Variants in NCAPG2 observed in about 807,000 individuals in gnomAD.
NCAPG2 encodes condensin-2 complex subunit G2.
Under a neutral mutation model 141.1 loss-of-function variants are expected in NCAPG2, and 53 were observed. The ratio of observed to expected loss-of-function variants is 0.38; its 90% confidence interval spans 0.30 to 0.47. The LOEUF is 0.47. Among genes scored for constraint, NCAPG2 ranks in the 20% least tolerant of loss-of-function variants. NCAPG2 has a pLI of 0.99. For missense variants in NCAPG2, 1,087 were observed against 1,389.0 expected (o/e 0.78, Z 3.46); for synonymous variants, 499 against 490.7 (o/e 1.02, Z -0.22).
At chr7:158,674,011 G>A (rs1330891174) in intron 12 of NCAPG2, among the ~76,000 whole-genome samples, 1 of 152,208 alleles carries the variant, frequency 6.6e-6, no homozygotes, top group Non-Finnish European at 1.5e-5. Flanking sequence ...GTAGACTGGG[G>A]AGTTGCAGGA....
intron 13 of NCAPG2, among the ~76,000 whole-genome samples, chr7:158,666,740 A>G (rs1036011133): frequency 6.6e-6 from 1 of 152,002 alleles, no homozygotes; most frequent in Non-Finnish European, 1.5e-5. Context: ...CACCCTGGGC[A>G]ACACAGGGAA....
intron 12 of NCAPG2, among the ~76,000 whole-genome samples, chr7:158,673,063 G>A (rs147015321): frequency 1.6e-3 from 244 of 152,302 alleles, no homozygotes; most frequent in African/African-American, 5.4e-3. Flanking sequence ...AGAGAAGACC[G>A]GCCAGGGAGC....
At chr7:158,644,250 G>T in intron 27 of NCAPG2, 39 bp downstream of exon 27, 1 of 1,513,696 alleles carries the variant, frequency 6.6e-7, no homozygotes, top group Non-Finnish European at 9.2e-7. Flanking sequence ...AGAATGAGCA[G>T]TTTTAGATGA....
rs1015194324 is a variant in NCAPG2 at position 158,693,628 on chromosome 7, A to T, written c.79-131T>A. 4.1e-6 allele frequency: 3 copies of T among 731,262 alleles called. No individual in the cohort carries two copies. The African/African-American group carries it at 5.4e-5, about 13-fold the overall frequency. 45.3% of individuals were successfully genotyped at this position (731,262 alleles called of 1,614,324 possible). ...CAAGAGTTTGGTTGCAGTATTCAAA[A>T]TCCATTCCTAAAAGGGAAGAAGCAC... On this transcript the variant is annotated intron_variant, in intron 2 of 27. Coordinates refer to ENST00000356309, the MANE Select transcript of NCAPG2 (RefSeq NM_017760.7).
intron 2 of NCAPG2, chr7:158,696,660 A>G (rs1026063146): frequency 1.3e-5 from 2 of 152,230 alleles, no homozygotes; most frequent in African/African-American, 4.8e-5. Context: ...TCCTCTTGCA[A>G]CTTTTCTTTT....
chr7:158,676,413 C>T (rs912588028), intron 11 of NCAPG2, among the ~76,000 whole-genome samples: 6 of 152,268 alleles, frequency 3.9e-5, no homozygotes, highest in South Asian at 4.1e-4. Context: ...GTCAGTTAGT[C>T]ATAGCACATG....
chr7:158,673,959 G>C (rs1203243527), intron 12 of NCAPG2, among the ~76,000 whole-genome samples: 1 of 152,250 alleles, frequency 6.6e-6, no homozygotes, highest in East Asian at 1.9e-4. Flanking sequence ...ACCTTGGCTA[G>C]AAATGCTTTA....
chr7:158,657,174 C>A (rs532061540), intron 17 of NCAPG2, among the ~76,000 whole-genome samples: 1 of 152,224 alleles, frequency 6.6e-6, no homozygotes, highest in Non-Finnish European at 1.5e-5. Context: ...CTAGTACCCA[C>A]ATTTGAAAAC....
At chr7:158,663,305 G>A (rs1277700123) in intron 15 of NCAPG2, among the ~76,000 whole-genome samples, 1 of 152,280 alleles carries the variant, frequency 6.6e-6, no homozygotes, top group Non-Finnish European at 1.5e-5. Context: ...GCCCAGGGAG[G>A]TGGCCTGCCC....
intron 12 of NCAPG2, among the ~76,000 whole-genome samples, chr7:158,672,290 GTGTA>G (rs1284521603): frequency 8.1e-5 from 2 of 24,702 alleles, no homozygotes; most frequent in Admixed American, 6.2e-4. Flanking sequence ...GTGTGTGTGT[GTGTA>G]TATATATATA....
At chr7:158,677,665 C>A (rs1834176035) in intron 11 of NCAPG2, among the ~76,000 whole-genome samples, 1 of 151,688 alleles carries the variant, frequency 6.6e-6, no homozygotes, top group Non-Finnish European at 1.5e-5. Context: ...AAATATATTC[C>A]AGACAATCAC....
chr7:158,654,534 G>A (rs1159202921), intron 22 of NCAPG2, 61 bp downstream of exon 22: 4 of 1,472,036 alleles, frequency 2.7e-6, no homozygotes, highest in Non-Finnish European at 3.7e-6. Context: ...CACAGTAAAG[G>A]AGGGAGGGAG....
At chr7:158,689,100 T>C (rs971615813) in intron 6 of NCAPG2, among the ~76,000 whole-genome samples, 3 of 152,216 alleles carry the variant, frequency 2.0e-5, no homozygotes, top group Non-Finnish European at 4.4e-5. Flanking sequence ...AGAAGAACTA[T>C]GCGAGCCTCT....
Position 158,675,621 on chromosome 7 carries a change from G to A in NCAPG2, c.1182C>T (p.Ser394=). ...LLEDPYPMVR[S]TGILGVCKIT... The stretch of plus-strand genomic sequence containing the variant: ...TTTTACAAACACCAAGGATCCCTGT[G>A]GAACGGACCATCGGGTAAGGATCTT... Residue 394 remains serine, a synonymous_variant, in exon 12 of 28, where the codon TCC becomes TCT. Transcript: ENST00000356309. 6.2e-7 allele frequency: 1 copy of A among 1,613,270 alleles called. No individual in the cohort carries two copies. Among genetic ancestry groups the A allele is most frequent in the Non-Finnish European group, 8.5e-7 (1 of 1,179,848 alleles).
chr7:158,641,908 C>T (rs1436924053), intron 27 of NCAPG2, among the ~76,000 whole-genome samples: 1 of 152,154 alleles, frequency 6.6e-6, no homozygotes, highest in Non-Finnish European at 1.5e-5. Flanking sequence ...ATATAATGGA[C>T]GTCTACAGAC....
At chr7:158,660,573 A>C (rs4909249) in intron 16 of NCAPG2, among the ~76,000 whole-genome samples, 1 of 151,570 alleles carries the variant, frequency 6.6e-6, no homozygotes, top group Non-Finnish European at 1.5e-5. Flanking sequence ...CAGGCCATCA[A>C]GCCCAGCTAA....
chr7:158,637,505 C>A (rs1830309776), intron 27 of NCAPG2, among the ~76,000 whole-genome samples: 1 of 152,394 alleles, frequency 6.6e-6, no homozygotes, highest in African/African-American at 2.4e-5. Flanking sequence ...AACTACCCCA[C>A]AAGCCCCCAC....
chr7:158,691,649 T>G (rs989812435), intron 4 of NCAPG2, among the ~76,000 whole-genome samples: 1 of 152,234 alleles, frequency 6.6e-6, no homozygotes, highest in Non-Finnish European at 1.5e-5. Context: ...AACTAAAATT[T>G]TATATATTTC....
At position 158,662,188 on chromosome 7, in the gene NCAPG2, A is replaced by T. The variant is rs749086117; in HGVS notation, c.1989+6T>A. ...ACCTTGCTTACAAGTATAGTTCAAG[A>T]CTTACCTTAAATACTTTCAGATACT... On this transcript the variant is annotated splice_donor_region_variant and intron_variant, in intron 16 of 27. Transcript: ENST00000356309. 4 of 1,600,582 alleles carry T rather than the reference A, an allele frequency of 2.5e-6. No homozygotes were observed. The South Asian group carries it at 4.6e-5, about 18-fold the overall frequency.
Sources: allele counts gnomAD v4.1 joint callset (sites outside exome capture counted in the v4.1 genomes callset), GRCh38; gene constraint gnomAD v4.1.1; transcripts MANE v1.5; gene names NCBI Gene and HGNC (gene_info 2026-07-23, HGNC 2026-07-21).